The following FAM135B variants were observed in gnomAD, a reference collection of about 807,000 sequenced individuals.
The protein encoded by FAM135B is protein FAM135B.
Under a neutral mutation model 127.7 loss-of-function variants are expected in FAM135B, and 43 were observed. The ratio of observed to expected loss-of-function variants is 0.34; its 90% confidence interval spans 0.26 to 0.43. FAM135B has a LOEUF of 0.43. Among genes scored for constraint, FAM135B ranks in the 20% least tolerant of loss-of-function variants. FAM135B has a pLI of 1.00. For missense variants in FAM135B, 1,558 were observed against 1,725.6 expected (o/e 0.90, Z 1.72); for synonymous variants, 670 against 665.1 (o/e 1.01, Z -0.11).
chr8:138,474,569 A>G (rs989506150), intron 1 of FAM135B, among the ~76,000 whole-genome samples: 1 of 152,198 alleles, frequency 6.6e-6, no homozygotes, highest in Admixed American at 6.5e-5. Context: ...TCATCCTGAG[A>G]ATCCCCTGGT....
intron 7 of FAM135B, among the ~76,000 whole-genome samples, chr8:138,229,377 A>G (rs2130182742): frequency 6.6e-6 from 1 of 152,196 alleles, no homozygotes; most frequent in Non-Finnish European, 1.5e-5. Context: ...TATAATACAG[A>G]TGTTAATGAT....
intron 2 of FAM135B, among the ~76,000 whole-genome samples, chr8:138,312,758 GAGA>G (rs1440554779): frequency 6.6e-6 from 1 of 152,150 alleles, no homozygotes; most frequent in Non-Finnish European, 1.5e-5. Flanking sequence ...AACCTGCCAA[GAGA>G]AGGACTTCAG....
chr8:138,212,087 T>C (rs1195089000), intron 7 of FAM135B, among the ~76,000 whole-genome samples: 1 of 151,634 alleles, frequency 6.6e-6, no homozygotes, highest in African/African-American at 2.4e-5. Context: ...TACAATAAAA[T>C]AGCAATAATA....
intron 15 of FAM135B, among the ~76,000 whole-genome samples, chr8:138,145,186 T>C (rs895631578): frequency 6.6e-6 from 1 of 152,062 alleles, no homozygotes; most frequent in African/African-American, 2.4e-5. Flanking sequence ...AAGCTAATTT[T>C]TGTATTTTTT....
At chr8:138,420,271 G>A (rs893319173) in intron 1 of FAM135B, among the ~76,000 whole-genome samples, 2 of 151,788 alleles carry the variant, frequency 1.3e-5, no homozygotes, top group Admixed American at 1.3e-4. Flanking sequence ...AAAATTCCTG[G>A]AAACATAAAA....
intron 1 of FAM135B, among the ~76,000 whole-genome samples, chr8:138,462,134 A>G (rs1837161241): frequency 6.6e-6 from 1 of 152,170 alleles, no homozygotes; most frequent in Admixed American, 6.5e-5. Context: ...AAGAAAGAAA[A>G]CAAAGTATTG....
intron 3 of FAM135B, among the ~76,000 whole-genome samples, chr8:138,295,482 G>C (rs754950204): frequency 6.6e-6 from 1 of 152,098 alleles, no homozygotes; most frequent in Non-Finnish European, 1.5e-5. Flanking sequence ...ATCTGCAGGG[G>C]CCAAGGGAGG....
chr8:138,296,523 T>A (rs921284538), intron 3 of FAM135B, among the ~76,000 whole-genome samples: 2 of 152,188 alleles, frequency 1.3e-5, no homozygotes, highest in Admixed American at 6.5e-5. Context: ...TGAAAATAAT[T>A]TAGTTTATAT....
At chr8:138,340,947 C>T (rs2131057664) in intron 2 of FAM135B, among the ~76,000 whole-genome samples, 1 of 152,312 alleles carries the variant, frequency 6.6e-6, no homozygotes, top group Non-Finnish European at 1.5e-5. Context: ...TTGTTCATCC[C>T]ACAAGACGGA....
At chr8:138,233,813 T>TCGACAA (rs1820073649) in intron 7 of FAM135B, among the ~76,000 whole-genome samples, 1 of 151,682 alleles carries the variant, frequency 6.6e-6, no homozygotes, top group Non-Finnish European at 1.5e-5. Context: ...CTCCTACAAT[T>TCGACAA]CAACAACAAC....
At chr8:138,159,071 G>A (rs1344642125) in intron 12 of FAM135B, among the ~76,000 whole-genome samples, 1 of 150,068 alleles carries the variant, frequency 6.7e-6, no homozygotes, top group Non-Finnish European at 1.5e-5. Context: ...AGGAGATCGA[G>A]ACCATCCTGG....
At chr8:138,468,685 T>C (rs1837507718) in intron 1 of FAM135B, among the ~76,000 whole-genome samples, 1 of 152,212 alleles carries the variant, frequency 6.6e-6, no homozygotes, top group African/African-American at 2.4e-5. Context: ...AATTTTAGTA[T>C]TTTTTCCATT....
chr8:138,245,165 T>C (rs530432340), intron 6 of FAM135B, among the ~76,000 whole-genome samples: 14 of 152,318 alleles, frequency 9.2e-5, no homozygotes, highest in African/African-American at 3.1e-4. Context: ...TGTGTTTCAC[T>C]CCAGCAAGGT....
At chr8:138,236,717 G>T (rs953866971) in intron 7 of FAM135B, among the ~76,000 whole-genome samples, 2 of 152,230 alleles carry the variant, frequency 1.3e-5, no homozygotes, top group Non-Finnish European at 2.9e-5. Flanking sequence ...CATATTTGAT[G>T]TAAAGTAGAT....
At chr8:138,463,542 CTGGGTAAA>C (rs1176711236) in intron 1 of FAM135B, among the ~76,000 whole-genome samples, 3 of 152,178 alleles carry the variant, frequency 2.0e-5, no homozygotes, top group Non-Finnish European at 2.9e-5. Context: ...TTCAGCTCCT[CTGGGTAAA>C]TGGCTTGTCT....
At chr8:138,432,741 C>A (rs184141601) in intron 1 of FAM135B, among the ~76,000 whole-genome samples, 1,526 of 152,182 alleles carry the variant, frequency 0.01, 8 homozygotes, top group Non-Finnish European at 0.016. Context: ...ATGACCATAG[C>A]TGGTTCCGAT....
intron 3 of FAM135B, among the ~76,000 whole-genome samples, chr8:138,287,478 C>T (rs1425893624): frequency 2.1e-5 from 3 of 145,178 alleles, no homozygotes; most frequent in Non-Finnish European, 4.5e-5. Context: ...AATCTGCATA[C>T]CCTATGACTA....
chr8:138,442,237 C>CTATCT (rs1835820540), intron 1 of FAM135B, among the ~76,000 whole-genome samples: 2 of 51,914 alleles, frequency 3.9e-5, no homozygotes, highest in African/African-American at 2.0e-4. Flanking sequence ...ATATGGACAC[C>CTATCT]ATATATATAT....
At chr8:138,358,132 T>C (rs1054635115) in intron 2 of FAM135B, among the ~76,000 whole-genome samples, 5 of 152,042 alleles carry the variant, frequency 3.3e-5, no homozygotes, top group African/African-American at 1.2e-4. Context: ...ATGAAACTTA[T>C]TCACTACCAC....
Sources: allele counts gnomAD v4.1 joint callset (sites outside exome capture counted in the v4.1 genomes callset), GRCh38; gene constraint gnomAD v4.1.1; transcripts MANE v1.5; gene names NCBI Gene and HGNC (gene_info 2026-07-23, HGNC 2026-07-21).